The following ADAM10 variants were observed in gnomAD, a reference collection of about 807,000 sequenced individuals.
The protein encoded by ADAM10 is ADAM metallopeptidase domain 10, also known as disintegrin and metalloproteinase domain-containing protein 10.
Under a neutral mutation model 90.1 loss-of-function variants are expected in ADAM10, and 17 were observed. The observed-to-expected ratio is 0.19, with a 90% confidence interval of 0.13 to 0.28. The LOEUF is 0.28. Among genes scored for constraint, ADAM10 ranks in the 10% least tolerant of loss-of-function variants. The probability of loss-of-function intolerance (pLI) is 1.00; values close to 1 mark genes in which losing one functional copy is unlikely to be tolerated. For synonymous variants in ADAM10, 310 were observed against 298.6 expected (o/e 1.04, Z -0.40); for missense variants, 610 against 914.3 (o/e 0.67, Z 4.29).
intron 2 of ADAM10, among the ~76,000 whole-genome samples, chr15:58,683,202 T>C (rs1344982232): frequency 6.6e-6 from 1 of 152,196 alleles, no homozygotes; most frequent in African/African-American, 2.4e-5. Context: ...TAAAAGTATA[T>C]CAAGTCTTTT....
At chr15:58,649,637 G>A (rs1158691473) in intron 5 of ADAM10, among the ~76,000 whole-genome samples, 1 of 152,124 alleles carries the variant, frequency 6.6e-6, no homozygotes, top group Non-Finnish European at 1.5e-5. Flanking sequence ...CTTTTTAACT[G>A]CTTCCAATGA....
chr15:58,694,368 T>G (rs148137892), intron 2 of ADAM10, among the ~76,000 whole-genome samples: 14 of 151,972 alleles, frequency 9.2e-5, no homozygotes, highest in Non-Finnish European at 2.1e-4. Context: ...AGAGAATTGC[T>G]TGAACCCAGG....
intron 2 of ADAM10, among the ~76,000 whole-genome samples, chr15:58,704,639 T>G (rs921363230): frequency 4.6e-5 from 7 of 152,252 alleles, no homozygotes; most frequent in African/African-American, 1.7e-4. Flanking sequence ...TCATAATGGT[T>G]AAAGTCTCAA....
chr15:58,625,987 G>A (rs1895931979), intron 10 of ADAM10, among the ~76,000 whole-genome samples: 2 of 152,106 alleles, frequency 1.3e-5, no homozygotes, highest in Non-Finnish European at 2.9e-5. Flanking sequence ...GGTAGCAGGG[G>A]GGAGGAAGGG....
chr15:58,649,193 C>G (rs1896625560), intron 5 of ADAM10, among the ~76,000 whole-genome samples: 1 of 151,888 alleles, frequency 6.6e-6, no homozygotes, highest in Non-Finnish European at 1.5e-5. Flanking sequence ...TATCCCTTCC[C>G]CCATTAGCTT....
intron 11 of ADAM10, among the ~76,000 whole-genome samples, chr15:58,617,264 C>G (rs753123818): frequency 2.6e-5 from 4 of 151,836 alleles, no homozygotes; most frequent in Non-Finnish European, 4.4e-5. Context: ...ACTGATACCA[C>G]AAAAATACAA....
intron 2 of ADAM10, among the ~76,000 whole-genome samples, chr15:58,682,559 A>G (rs978423316): frequency 2.0e-5 from 3 of 152,136 alleles, no homozygotes; most frequent in Non-Finnish European, 4.4e-5. Flanking sequence ...ATAAATGCCT[A>G]TAGACTGATT....
intron 2 of ADAM10, among the ~76,000 whole-genome samples, chr15:58,712,430 G>T (rs1481117689): frequency 1.4e-5 from 2 of 146,664 alleles, no homozygotes; most frequent in Non-Finnish European, 3.0e-5. Context: ...AGGCTGAGGT[G>T]AGAGGATGGC....
chr15:58,700,600 C>A (rs892132408), intron 2 of ADAM10, among the ~76,000 whole-genome samples: 1 of 152,100 alleles, frequency 6.6e-6, no homozygotes, highest in African/African-American at 2.4e-5. Context: ...GGGAAATTTA[C>A]AGCAATAAAT....
chr15:58,720,404 A>ATT (rs879811536), intron 1 of ADAM10, among the ~76,000 whole-genome samples: 2 of 45,254 alleles, frequency 4.4e-5, no homozygotes, highest in Admixed American at 4.9e-4. Flanking sequence ...ATTTTATTTT[A>ATT]TTTTTTTTTT....
intron 10 of ADAM10, among the ~76,000 whole-genome samples, chr15:58,622,385 C>T (rs1895811938): frequency 6.6e-6 from 1 of 152,198 alleles, no homozygotes. Flanking sequence ...ACCCCAACTC[C>T]TCCCCTCATG....
intron 8 of ADAM10, among the ~76,000 whole-genome samples, chr15:58,636,450 CAT>C (rs1339814361): frequency 6.6e-6 from 1 of 152,092 alleles, no homozygotes; most frequent in Non-Finnish European, 1.5e-5. Context: ...AATGAGGTAT[CAT>C]ATATACCCAC....
At chr15:58,676,910 G>A (rs1897314218) in intron 4 of ADAM10, among the ~76,000 whole-genome samples, 1 of 152,122 alleles carries the variant, frequency 6.6e-6, no homozygotes, top group Non-Finnish European at 1.5e-5. Flanking sequence ...TGCTACAATG[G>A]CAGAGCTGAG....
chr15:58,720,503 CCATTCTCCCGCCT>C (rs1287179033), intron 1 of ADAM10, among the ~76,000 whole-genome samples: 1 of 151,924 alleles, frequency 6.6e-6, no homozygotes, highest in East Asian at 1.9e-4. Context: ...TGAGTTCACG[CCATTCTCCCGCCT>C]CAGCCTCCCG....
At chr15:58,640,050 T>G (rs1328906886) in intron 8 of ADAM10, among the ~76,000 whole-genome samples, 1 of 152,174 alleles carries the variant, frequency 6.6e-6, no homozygotes, top group Non-Finnish European at 1.5e-5. Context: ...AAATTTGGAT[T>G]TCTAAACTAG....
intron 8 of ADAM10, among the ~76,000 whole-genome samples, chr15:58,633,972 T>G (rs543232300): frequency 6.7e-6 from 1 of 148,952 alleles, no homozygotes; most frequent in South Asian, 2.1e-4. Flanking sequence ...AAGGGAGAGA[T>G]AGAAAGCAAA....
intron 10 of ADAM10, 123 bp downstream of exon 10, chr15:58,627,577 C>A: frequency 1.3e-6 from 1 of 799,504 alleles, no homozygotes. Context: ...AAAGGGAATA[C>A]AGCAAAGTGT....
intron 2 of ADAM10, among the ~76,000 whole-genome samples, chr15:58,698,557 C>T (rs1283227601): frequency 7.5e-6 from 1 of 132,880 alleles, no homozygotes; most frequent in Non-Finnish European, 1.6e-5. Context: ...GCCTGGGCAA[C>T]AGAGTGAGAC....
intron 1 of ADAM10, among the ~76,000 whole-genome samples, chr15:58,731,807 G>A (rs1205077677): frequency 6.6e-6 from 1 of 152,060 alleles, no homozygotes; most frequent in East Asian, 1.9e-4. Flanking sequence ...CCTAAGGCAG[G>A]TCAGAAAGCC....
Sources: gnomAD v4.1 joint callset for allele counts (sites outside exome capture counted in the v4.1 genomes callset) on GRCh38, gnomAD v4.1.1 for gene constraint, MANE v1.5 for transcripts, NCBI Gene and HGNC (gene_info 2026-07-23, HGNC 2026-07-21) for gene names.